The following DLGAP2 variants were observed in gnomAD, a reference collection of about 807,000 sequenced individuals.
DLGAP2 encodes the protein DLG associated protein 2.
In DLGAP2, 26 loss-of-function variants were observed where a neutral mutation model predicts 100.3. The observed-to-expected ratio is 0.26, with a 90% CI of 0.19 to 0.36. DLGAP2 has a LOEUF of 0.36. Ranked by LOEUF, DLGAP2 falls within the 10% of genes least tolerant of loss-of-function variation. DLGAP2 has a pLI of 1.00. For synonymous variants in DLGAP2, 886 were observed against 630.1 expected, an observed-to-expected ratio of 1.41 and a Z score of -6.08; for missense variants, 1,858 against 1,453.2, an observed-to-expected ratio of 1.28 and a Z score of -4.53.
At chr8:1,595,401 C>T (rs1348376811) in intron 6 of DLGAP2, among the ~76,000 whole-genome samples, 9 of 152,042 alleles carry the variant, frequency 5.9e-5, no homozygotes, top group East Asian at 1.9e-4. Flanking sequence ...CGGTGGCTCA[C>T]GCCTGTAATC....
intron 1 of DLGAP2, among the ~76,000 whole-genome samples, chr8:883,879 G>A (rs1244332881): frequency 6.6e-6 from 1 of 152,216 alleles, no homozygotes; most frequent in Non-Finnish European, 1.5e-5. Flanking sequence ...TTATGAGTGA[G>A]AACATGTGGT....
At chr8:1,055,943 G>A (rs1802869530) in intron 2 of DLGAP2, among the ~76,000 whole-genome samples, 1 of 152,214 alleles carries the variant, frequency 6.6e-6, no homozygotes, top group South Asian at 2.1e-4. Flanking sequence ...AAAGAAAAGA[G>A]TGGGTTGGAT....
chr8:1,348,821 C>T (rs889955561), intron 3 of DLGAP2, among the ~76,000 whole-genome samples: 12 of 152,218 alleles, frequency 7.9e-5, no homozygotes, highest in Non-Finnish European at 1.3e-4. Flanking sequence ...TCAGCACCAG[C>T]CAGTATCAGT....
intron 3 of DLGAP2, among the ~76,000 whole-genome samples, chr8:1,480,788 C>T (rs1799069308): frequency 6.6e-6 from 1 of 151,638 alleles, no homozygotes; most frequent in Non-Finnish European, 1.5e-5. Context: ...ATCGCTTGAA[C>T]CCGGGAGGCA....
chr8:1,429,063 T>C (rs183713051), intron 3 of DLGAP2, among the ~76,000 whole-genome samples: 31 of 152,324 alleles, frequency 2.0e-4, no homozygotes, highest in African/African-American at 6.7e-4. Context: ...GTGTAGCACT[T>C]CTCTAGGGCT....
chr8:766,142 G>T (rs1320559280), intron 1 of DLGAP2, among the ~76,000 whole-genome samples: 1 of 152,168 alleles, frequency 6.6e-6, no homozygotes. Context: ...ACTCCAGCCT[G>T]AGTGACAGAG....
At chr8:1,543,346 C>T (rs1166263783) in intron 4 of DLGAP2, among the ~76,000 whole-genome samples, 2 of 152,172 alleles carry the variant, frequency 1.3e-5, no homozygotes, top group African/African-American at 2.4e-5. Flanking sequence ...GTCTTTAAGC[C>T]ACTTTGAGTT....
chr8:1,307,700 G>A (rs573264666), intron 3 of DLGAP2, among the ~76,000 whole-genome samples: 14 of 152,186 alleles, frequency 9.2e-5, no homozygotes, highest in Non-Finnish European at 1.5e-4. Flanking sequence ...AAAGAAATGA[G>A]ATGCTGACAC....
intron 1 of DLGAP2, among the ~76,000 whole-genome samples, chr8:763,344 C>T (rs1339500294): frequency 6.6e-6 from 1 of 152,222 alleles, no homozygotes; most frequent in African/African-American, 2.4e-5. Context: ...CACTCATCTT[C>T]TTGCATATCA....
intron 3 of DLGAP2, among the ~76,000 whole-genome samples, chr8:1,322,563 A>T (rs769237102): frequency 2.6e-5 from 4 of 151,818 alleles, no homozygotes; most frequent in Non-Finnish European, 4.4e-5. Context: ...TGCTTCTGTG[A>T]TTTCACACGT....
At chr8:1,372,733 A>T (rs528037886) in intron 3 of DLGAP2, among the ~76,000 whole-genome samples, 53 of 152,298 alleles carry the variant, frequency 3.5e-4, no homozygotes, top group Non-Finnish European at 7.2e-4. Flanking sequence ...TAAAACTGTG[A>T]TATATTTCCA....
intron 1 of DLGAP2, among the ~76,000 whole-genome samples, chr8:896,550 G>C (rs1213524971): frequency 2.0e-5 from 3 of 152,176 alleles, no homozygotes; most frequent in African/African-American, 7.2e-5. Context: ...TTGGTCCCCA[G>C]TGGGATGGTG....
intron 4 of DLGAP2, among the ~76,000 whole-genome samples, chr8:1,542,210 C>T (rs894574059): frequency 6.6e-6 from 1 of 152,198 alleles, no homozygotes; most frequent in African/African-American, 2.4e-5. Flanking sequence ...GTATGTCTTC[C>T]TTCATCACAT....
At chr8:1,373,103 C>G (rs1179500511) in intron 3 of DLGAP2, among the ~76,000 whole-genome samples, 1 of 152,234 alleles carries the variant, frequency 6.6e-6, no homozygotes. Context: ...CCCGAGACCT[C>G]CGTGCCTGGG....
intron 2 of DLGAP2, among the ~76,000 whole-genome samples, chr8:1,174,783 C>G (rs924803967): frequency 3.3e-5 from 5 of 152,124 alleles, no homozygotes; most frequent in Admixed American, 3.3e-4. Context: ...TCATCATCAC[C>G]ACCATCATTA....
chr8:1,610,823 C>T (rs1233613030), intron 6 of DLGAP2, among the ~76,000 whole-genome samples: 1 of 146,332 alleles, frequency 6.8e-6, no homozygotes, highest in South Asian at 2.2e-4. Context: ...CATACACTGT[C>T]CCAAGACTAA....
At position 1,565,939 on chromosome 8, in the gene DLGAP2, G is replaced by A. The variant is rs779190281; in HGVS notation, c.1442+45G>A. The stretch of plus-strand genomic sequence containing the variant: ...TTCCCACTCCAAGCACTTTCCCACT[G>A]CCTGCGAGCTCCCTCTCCAAAACCA... On this transcript the variant is annotated intron_variant, in intron 6 of 14. Coordinates refer to ENST00000637795, the MANE Select transcript of DLGAP2 (RefSeq NM_001346810.2). 8 of 1,502,048 alleles carry A rather than the reference G, an allele frequency of 5.3e-6. No individual in the cohort carries two copies. In the African/African-American group the frequency reaches 8.3e-5, roughly 16 times the overall value. 93.0% of individuals were successfully genotyped at this position (1,502,048 alleles called of 1,614,324 possible). A position where few individuals can be genotyped will look rare whatever the true frequency, so the allele number is the denominator to read the frequency against.
At chr8:886,369 C>G (rs1015549558) in intron 1 of DLGAP2, among the ~76,000 whole-genome samples, 1 of 152,012 alleles carries the variant, frequency 6.6e-6, no homozygotes, top group Non-Finnish European at 1.5e-5. Flanking sequence ...CATCTATCTC[C>G]TTAAATTCTT....
chr8:1,428,631 T>C (rs1797305577), intron 3 of DLGAP2, among the ~76,000 whole-genome samples: 1 of 152,238 alleles, frequency 6.6e-6, no homozygotes, highest in Non-Finnish European at 1.5e-5. Flanking sequence ...TATGCCTATG[T>C]ATACCTAATA....
Sources: allele counts gnomAD v4.1 joint callset (sites outside exome capture counted in the v4.1 genomes callset), GRCh38; gene constraint gnomAD v4.1.1; transcripts MANE v1.5; gene names NCBI Gene and HGNC (gene_info 2026-07-23, HGNC 2026-07-21).